The following ZNF526 variants were observed in gnomAD, a reference collection of about 807,000 sequenced individuals.
The protein encoded by ZNF526 is zinc finger protein 526.
In ZNF526, 16 loss-of-function variants were observed where a neutral mutation model predicts 32.4. The observed-to-expected ratio is 0.49, with a 90% CI of 0.33 to 0.75. ZNF526 has a LOEUF of 0.75. Ranked by LOEUF, ZNF526 falls within the 30% of genes least tolerant of loss-of-function variation. The pLI, the probability that ZNF526 is intolerant of heterozygous loss-of-function variation, is 0.02. For missense variants in ZNF526, 838 were observed against 920.7 expected, an observed-to-expected ratio of 0.91 and a Z score of 1.16; for synonymous variants, 355 against 363.4, an observed-to-expected ratio of 0.98 and a Z score of 0.26.
chr19:42,225,570 C>A lies in ZNF526; in HGVS notation c.1167C>A (p.Arg389=). ...RRAHTANPLH[R]CRCGKTFSNM... ...CCCACACTGCCAACCCATTGCATCGCTGTCGTTGCGGCAAGACGTTCAGCA... is the reference window on the plus strand; with the variant it reads ...CCCACACTGCCAACCCATTGCATCGATGTCGTTGCGGCAAGACGTTCAGCA... Residue 389 remains arginine, a synonymous_variant, in exon 3 of 3, where the codon CGC becomes CGA. Coordinates refer to ENST00000301215, the MANE Select transcript of ZNF526 (RefSeq NM_133444.3). 6.2e-7 allele frequency: 1 copy of A among 1,609,050 alleles called. No homozygotes were observed. The highest frequency in any genetic ancestry group is 1.3e-5 in the African/African-American group (1 of 74,986).
rs764323332 is a variant in ZNF526 at position 42,225,788 on chromosome 19, G to A, written c.1385G>A (p.Arg462His). 26 of 1,613,246 alleles carry A rather than the reference G, an allele frequency of 1.6e-5. No individual in the cohort carries two copies. The South Asian group carries it at 1.6e-4, about 10-fold the overall frequency. ...ASASRLSRHR[R>H]AVHGPPERRH... is the part of the protein sequence containing the mutation. ...GCTTCCCGGCTGTCCCGGCACCGGCGTGCAGTACACGGGCCCCCTGAACGG... is the reference window on the plus strand; with the variant it reads ...GCTTCCCGGCTGTCCCGGCACCGGCATGCAGTACACGGGCCCCCTGAACGG... Residue 462 changes from arginine (R) to histidine (H), a missense_variant, in exon 3 of 3, where the codon CGT becomes CAT. Physicochemically the swap from Arg to His is conservative, Grantham distance 29. Transcript: ENST00000301215.
rs775763407 is a variant in ZNF526, at chr19:42,225,207, A to G, written c.804A>G (p.Thr268=). The change falls in exon 3 of 3, where the codon ACA becomes ACG. Residue 268 remains threonine, a synonymous_variant. Coordinates refer to ENST00000301215, the MANE Select transcript of ZNF526 (RefSeq NM_133444.3). ...GDDAVGGDES[T]AGWAQGCGDC... ...ATGCTGTGGGAGGTGACGAGTCCAC[A>G]GCTGGCTGGGCTCAGGGCTGCGGGG... 6.2e-7 allele frequency: 1 copy of G among 1,614,216 alleles called. No individual in the cohort carries two copies. Among genetic ancestry groups the G allele is most frequent in the South Asian group, 1.1e-5 (1 of 91,088 alleles).
intron 1 of ZNF526, among the ~76,000 whole-genome samples, chr19:42,222,114 G>A (rs2036131096): frequency 6.7e-6 from 1 of 149,394 alleles, no homozygotes; most frequent in African/African-American, 2.5e-5. Context: ...TTGAGACAGA[G>A]TCTCACTCTG....
rs760111594 is a variant in ZNF526, at chr19:42,226,383, C to T, written c.1980C>T (p.Gly660=). Residue 660 remains glycine, a synonymous_variant, in exon 3 of 3, where the codon GGC becomes GGT. Transcript: ENST00000301215. ...CTGCACTGGGGGCCAGTGAAGCAGG[C>T]GGGCTCTTGCAGTTGGACACGGCCT... ...CQAALGASEA[G]GLLQLDTAFV is the part of the protein sequence containing the mutation. 26 of 1,614,110 alleles carry T rather than the reference C, an allele frequency of 1.6e-5. No homozygotes were observed. Among genetic ancestry groups the T allele is most frequent in the East Asian group, 2.2e-5 (1 of 44,894 alleles).
At chr19:42,224,071 A>C in intron 1 of ZNF526, 144 bp from the exon 2 acceptor site, 1 of 321,624 alleles carries the variant, frequency 3.1e-6, no homozygotes, top group East Asian at 7.7e-5. Flanking sequence ...AGGCACGAGA[A>C]TAGCTTGAAC....
In ZNF526 at chr19:42,224,957, C is replaced by T; in HGVS notation, c.554C>T (p.Pro185Leu). The change falls in exon 3 of 3, where the codon CCA (proline) becomes CTA (leucine). Residue 185 changes from proline (P) to leucine (L), a missense_variant. Transcript: ENST00000301215. The part of the protein sequence containing the change: ...PPLPPPTPLP[P>L]PSPPSEVKME... Reference sequence around the variant, plus strand: ...TTGCCTCCCCCAACACCACTGCCTCCACCTTCTCCCCCATCCGAAGTCAAG... The same window carrying T: ...TTGCCTCCCCCAACACCACTGCCTCTACCTTCTCCCCCATCCGAAGTCAAG... 6.2e-7 allele frequency: 1 copy of T among 1,614,240 alleles called. No individual in the cohort carries two copies. Among genetic ancestry groups the T allele is most frequent in the African/African-American group, 1.3e-5 (1 of 75,066 alleles).
chr19:42,223,371 G>A (rs1404245747), intron 1 of ZNF526, among the ~76,000 whole-genome samples: 1 of 152,228 alleles, frequency 6.6e-6, no homozygotes, highest in East Asian at 1.9e-4. Context: ...GCCGGGCGTG[G>A]TGGCTCATGC....
Position 42,226,542 on chromosome 19 carries a change from CT to C in ZNF526, c.*131del. The stretch of plus-strand genomic sequence containing the variant: ...CATGTGCCAGGATCCACCCTGGCCT[CT>C]TTTTACCCACTGACTCCCCAGAACA... On this transcript the variant is annotated 3_prime_UTR_variant, in exon 3 of 3. Transcript: ENST00000301215. 7.6e-7 allele frequency: 1 copy of C among 1,322,462 alleles called. No individual in the cohort carries two copies. Among genetic ancestry groups the C allele is most frequent in the Non-Finnish European group, 1.1e-6 (1 of 928,450 alleles). 81.9% of individuals were successfully genotyped at this position (1,322,462 alleles called of 1,614,324 possible).
At chr19:42,221,545 A>G (rs577554896) in intron 1 of ZNF526, among the ~76,000 whole-genome samples, 64 of 152,256 alleles carry the variant, frequency 4.2e-4, no homozygotes, top group African/African-American at 1.3e-3. Flanking sequence ...AGGCGGGAGA[A>G]TCGCTTGGAC....
chr19:42,226,301 C>T lies in ZNF526; in HGVS notation c.1898C>T (p.Ala633Val). The T allele has an allele frequency of 6.2e-7, 1 of 1,614,198 alleles. No individual in the cohort carries two copies. Residue 633 changes from alanine (A) to valine (V), a missense_variant, in exon 3 of 3, where the codon GCC (alanine) becomes GTC (valine). Physicochemically the swap from Ala to Val is moderately conservative, Grantham distance 64 (BLOSUM62 0). Transcript: ENST00000301215. The part of the protein sequence containing the change: ...IMCTELGETI[A>V]IIETSQPLAL... ...TGCACAGAGCTGGGGGAGACCATCG[C>T]CATCATTGAGACATCCCAGCCACTG...
At chr19:42,221,816 C>T (rs1244305865) in intron 1 of ZNF526, among the ~76,000 whole-genome samples, 1 of 137,340 alleles carries the variant, frequency 7.3e-6, no homozygotes, top group South Asian at 2.7e-4. Context: ...GACCCTGTCT[C>T]AAAAGGAGGA....
intron 1 of ZNF526, among the ~76,000 whole-genome samples, chr19:42,222,151 A>G (rs1234462385): frequency 6.6e-6 from 1 of 151,058 alleles, no homozygotes; most frequent in East Asian, 2.0e-4. Context: ...CAGTGGCGCA[A>G]TCTCAGCTCA....
At chr19:42,221,120 TG>T (rs2036118354) in intron 1 of ZNF526, among the ~76,000 whole-genome samples, 2 of 152,174 alleles carry the variant, frequency 1.3e-5, no homozygotes, top group South Asian at 4.1e-4. Context: ...AGCAGGGCCC[TG>T]TACTGGGCTG....
At position 42,226,193 on chromosome 19, in the gene ZNF526, G is replaced by A. The variant is rs371341318; in HGVS notation, c.1790G>A (p.Arg597Gln). 36 of 1,609,494 alleles carry A rather than the reference G, an allele frequency of 2.2e-5. No homozygotes were observed. Among genetic ancestry groups the A allele is most frequent in the South Asian group, 4.4e-5 (4 of 91,088 alleles). ...GLRLHQRVHA[R>Q]ARTLTLQPPR... ...CGACTGCATCAGCGGGTCCATGCCC[G>A]AGCTCGGACTTTGACGCTACAGCCT... Residue 597 changes from arginine (R) to glutamine (Q), a missense_variant, in exon 3 of 3, where the codon CGA becomes CAA. Transcript: ENST00000301215.
rs780517113 is a variant in ZNF526, at chr19:42,225,741, G to A, written c.1338G>A (p.Gln446=). The change falls in exon 3 of 3, where the codon CAG becomes CAA. Residue 446 remains glutamine (Q), a synonymous_variant. Transcript: ENST00000301215. ...PAPPAQLPCP[Q]CSKSFASASR... ...CACCTGCCCAGCTGCCCTGCCCACA[G>A]TGCTCCAAGTCCTTTGCCTCAGCTT... The A allele has an allele frequency of 3.0e-6, 4 of 1,355,254 alleles. No individual in the cohort carries two copies. The East Asian group carries it at 1.9e-4, about 64-fold the overall frequency. The allele number at this position is 1,355,254 out of a possible 1,614,324, so 84.0% of individuals were successfully genotyped here. A position where few individuals can be genotyped will look rare whatever the true frequency, so the allele number is the denominator to read the frequency against.
Position 42,225,224 on chromosome 19 carries a change from G to A in ZNF526, c.821G>A (p.Gly274Asp). The A allele has an allele frequency of 1.2e-6, 2 of 1,614,170 alleles. No homozygotes were observed. Among genetic ancestry groups the A allele is most frequent in the South Asian group, 1.1e-5 (1 of 91,084 alleles). Residue 274 changes from glycine (G) to aspartate (D), a missense_variant, in exon 3 of 3, where the codon GGC becomes GAC. Transcript: ENST00000301215. ...GDESTAGWAQ[G>D]CGDCPQHQPS... The stretch of plus-strand genomic sequence containing the variant: ...GAGTCCACAGCTGGCTGGGCTCAGG[G>A]CTGCGGGGACTGTCCCCAGCACCAG...
Position 42,225,968 on chromosome 19 carries a change from A to C in ZNF526, c.1565A>C (p.His522Pro), listed in dbSNP as rs761555297. 1 of 1,614,062 alleles carries C rather than the reference A, an allele frequency of 6.2e-7. No individual in the cohort carries two copies. The highest frequency in any genetic ancestry group is 2.2e-5 in the East Asian group (1 of 44,880). The change falls in exon 3 of 3, where the codon CAT (histidine) becomes CCT (proline). Residue 522 changes from histidine (H) to proline (P), a missense_variant. Transcript: ENST00000301215. ...LANLSRHQLT[H>P]TGARPYQCLD... ...AACCTCAGCCGCCACCAGCTGACCC[A>C]TACGGGTGCACGTCCCTACCAATGC...
chr19:42,221,643 AAAATAAAAT>A (rs2036124558), intron 1 of ZNF526, among the ~76,000 whole-genome samples: 1 of 152,006 alleles, frequency 6.6e-6, no homozygotes. Context: ...CAAAAAAAGT[AAAATAAAAT>A]AAATAAAAAT....
In ZNF526 at chr19:42,223,986, T is replaced by A. The variant is rs1199340645; in HGVS notation, c.-108-229T>A. Among the ~76,000 whole-genome samples, 436 of 134,684 alleles carry A rather than the reference T, an allele frequency of 3.2e-3. 8 individuals are homozygous for A. Among genetic ancestry groups the A allele is most frequent in the African/African-American group, 0.011 (421 of 36,670 alleles). The allele number at this position is 134,684 out of a possible 152,430, so 88.4% of individuals were successfully genotyped here. On this transcript the variant is annotated intron_variant, in intron 1 of 2. Transcript: ENST00000301215. Reference sequence around the variant, plus strand: ...TTGTCTCTACTAAAATATATATATATATATATATATATATATACAAAAATT... The same window carrying A: ...TTGTCTCTACTAAAATATATATATAAATATATATATATATATACAAAAATT...
Sources: allele counts gnomAD v4.1 joint callset (sites outside exome capture counted in the v4.1 genomes callset), GRCh38; gene constraint gnomAD v4.1.1; transcripts MANE v1.5; gene names NCBI Gene and HGNC (gene_info 2026-07-23, HGNC 2026-07-21).